Variants in LIMCH1 observed in about 807,000 individuals in gnomAD.
LIMCH1 encodes the protein LIM and calponin homology domains 1, also known as LIM and calponin homology domains-containing protein 1.
Under a neutral mutation model 176.5 loss-of-function variants are expected in LIMCH1, and 113 were observed. That is an observed-to-expected ratio of 0.64 (90% CI 0.55 to 0.75). LIMCH1 has a LOEUF of 0.75. LIMCH1 is among the 30% of genes least tolerant of loss of function. LIMCH1 has a pLI of 0.00. For missense variants in LIMCH1, 1,674 were observed against 1,814.9 expected (o/e 0.92, Z 1.41); for synonymous variants, 619 against 645.9 (o/e 0.96, Z 0.63).
At chr4:41,624,868 G>A (rs1561969275) in intron 7 of LIMCH1, among the ~76,000 whole-genome samples, 3 of 152,208 alleles carry the variant, frequency 2.0e-5, no homozygotes, top group South Asian at 2.1e-4. Flanking sequence ...CTTTGAGTCC[G>A]TAATCCCTCC....
intron 1 of LIMCH1, among the ~76,000 whole-genome samples, chr4:41,465,323 G>T (rs1233135101): frequency 6.6e-6 from 1 of 152,084 alleles, no homozygotes; most frequent in African/African-American, 2.4e-5. Flanking sequence ...TCTGCTTGAT[G>T]AGTCTCTGAA....
intron 1 of LIMCH1, among the ~76,000 whole-genome samples, chr4:41,421,912 G>T (rs554677136): frequency 6.6e-6 from 1 of 151,944 alleles, no homozygotes; most frequent in Non-Finnish European, 1.5e-5. Flanking sequence ...GTGAAACCTC[G>T]TCTCTACTAA....
chr4:41,554,633 G>A (rs570926332), intron 1 of LIMCH1, among the ~76,000 whole-genome samples: 6 of 152,166 alleles, frequency 3.9e-5, no homozygotes, highest in South Asian at 2.1e-4. Flanking sequence ...TGCACAGTTG[G>A]CCCTCTTCTC....
intron 1 of LIMCH1, among the ~76,000 whole-genome samples, chr4:41,463,539 TC>T (rs1198438690): frequency 6.6e-6 from 1 of 151,456 alleles, no homozygotes; most frequent in Non-Finnish European, 1.5e-5. Context: ...CTGTATCTGC[TC>T]CCTACCCCTC....
rs779447823 is a variant in LIMCH1 at position 41,671,545 on chromosome 4, T to C, written c.3398-9T>C. 2.5e-6 allele frequency: 4 copies of C among 1,603,826 alleles called. No individual in the cohort carries two copies. The highest frequency in any genetic ancestry group is 3.4e-6 in the Non-Finnish European group (4 of 1,171,360). On this transcript the variant is annotated splice_polypyrimidine_tract_variant and intron_variant, in intron 21 of 31. Coordinates refer to ENST00000503057, the MANE Select transcript of LIMCH1 (RefSeq NM_001330672.2). ...ATATCTTTTTTTTCTTTCTTTTTTT[T>C]CTGTGCAGTGGATTCTCCAAGCAGT...
intron 30 of LIMCH1, among the ~76,000 whole-genome samples, chr4:41,690,486 C>T (rs1306832670): frequency 6.6e-6 from 1 of 152,176 alleles, no homozygotes; most frequent in Non-Finnish European, 1.5e-5. Flanking sequence ...CTCATGGACA[C>T]ATTTCAAAAT....
intron 1 of LIMCH1, among the ~76,000 whole-genome samples, chr4:41,421,531 AGTG>A (rs1270877295): frequency 1.3e-5 from 2 of 152,212 alleles, no homozygotes; most frequent in African/African-American, 4.8e-5. Flanking sequence ...TATTTGAAGT[AGTG>A]GTACTGTTAT....
At chr4:41,465,526 C>G (rs886245720) in intron 1 of LIMCH1, among the ~76,000 whole-genome samples, 3 of 152,224 alleles carry the variant, frequency 2.0e-5, no homozygotes, top group Non-Finnish European at 2.9e-5. Context: ...TGCCCATTTT[C>G]CTCCATTGGT....
chr4:41,541,486 G>A (rs1174041660), intron 1 of LIMCH1, among the ~76,000 whole-genome samples: 1 of 152,168 alleles, frequency 6.6e-6, no homozygotes, highest in African/African-American at 2.4e-5. Context: ...TTAATTTGGT[G>A]AATCCTTTTT....
chr4:41,454,698 A>G (rs981934103), intron 1 of LIMCH1, among the ~76,000 whole-genome samples: 3 of 152,158 alleles, frequency 2.0e-5, no homozygotes, highest in African/African-American at 7.2e-5. Context: ...TAAAGCAGAG[A>G]CGCAAGCTAT....
intron 1 of LIMCH1, among the ~76,000 whole-genome samples, chr4:41,469,357 T>A (rs1450960356): frequency 6.6e-6 from 1 of 152,228 alleles, no homozygotes; most frequent in Non-Finnish European, 1.5e-5. Flanking sequence ...ATTTGCTGCC[T>A]CCCTCTTTCA....
chr4:41,460,318 G>A (rs1302821662), intron 1 of LIMCH1, among the ~76,000 whole-genome samples: 2 of 151,848 alleles, frequency 1.3e-5, no homozygotes, highest in Non-Finnish European at 2.9e-5. Flanking sequence ...TAGCGCAGAT[G>A]TAGAATATTT....
chr4:41,697,329 T>C lies in LIMCH1; in HGVS notation c.*144T>C, dbSNP rs981754990. The C allele has an allele frequency of 7.0e-6, 5 of 715,154 alleles. No homozygotes were observed. The African/African-American group carries it at 8.9e-5, about 13-fold the overall frequency. The allele number at this position is 715,154 out of a possible 1,614,324, so 44.3% of individuals were successfully genotyped here. ...TCTTCTGAAAGGTGGTATCTGTTCTTTCGTAGCACAGTGTTTATGTTTTTC... is the reference window on the plus strand; with the variant it reads ...TCTTCTGAAAGGTGGTATCTGTTCTCTCGTAGCACAGTGTTTATGTTTTTC... On this transcript the variant is annotated 3_prime_UTR_variant, in exon 32 of 32. Coordinates refer to ENST00000503057, the MANE Select transcript of LIMCH1 (RefSeq NM_001330672.2).
intron 31 of LIMCH1, among the ~76,000 whole-genome samples, chr4:41,695,405 G>T (rs1334780365): frequency 1.3e-5 from 2 of 151,286 alleles, no homozygotes; most frequent in African/African-American, 4.9e-5. Flanking sequence ...TAGCTATCTG[G>T]CCTGATTTTT....
chr4:41,485,877 G>T (rs1461250704), intron 1 of LIMCH1, among the ~76,000 whole-genome samples: 2 of 152,130 alleles, frequency 1.3e-5, no homozygotes. Flanking sequence ...GACCTATGTA[G>T]GTGTAAGATG....
chr4:41,402,244 A>G (rs1236845625), intron 1 of LIMCH1, among the ~76,000 whole-genome samples: 1 of 152,144 alleles, frequency 6.6e-6, no homozygotes, highest in Admixed American at 6.6e-5. Context: ...ATCACTGGCC[A>G]TCAGAGAAAT....
chr4:41,476,763 A>C (rs2067812974), intron 1 of LIMCH1, among the ~76,000 whole-genome samples: 1 of 151,894 alleles, frequency 6.6e-6, no homozygotes, highest in Non-Finnish European at 1.5e-5. Context: ...TCCATAGGGG[A>C]CTGAGTTGTA....
intron 1 of LIMCH1, among the ~76,000 whole-genome samples, chr4:41,428,969 T>TC (rs2061357470): frequency 6.6e-6 from 1 of 152,224 alleles, no homozygotes; most frequent in South Asian, 2.1e-4. Flanking sequence ...TTACTTTTTT[T>TC]CTGACTGTTA....
At chr4:41,695,290 G>A (rs1009257564) in intron 31 of LIMCH1, among the ~76,000 whole-genome samples, 3 of 149,754 alleles carry the variant, frequency 2.0e-5, no homozygotes, top group Non-Finnish European at 4.4e-5. Context: ...CATTTAAAGT[G>A]TATAAATAAA....
Sources: gnomAD v4.1 joint callset for allele counts (sites outside exome capture counted in the v4.1 genomes callset) on GRCh38, gnomAD v4.1.1 for gene constraint, MANE v1.5 for transcripts, NCBI Gene and HGNC (gene_info 2026-07-23, HGNC 2026-07-21) for gene names.